VIPR1: variants seen among roughly 807,000 people sequenced by gnomAD.
VIPR1 encodes the protein vasoactive intestinal polypeptide receptor 1.
Under a neutral mutation model 58.8 loss-of-function variants are expected in VIPR1, and 59 were observed. The ratio of observed to expected loss-of-function variants is 1.00; its 90% CI spans 0.81 to 1.25. The LOEUF is 1.25. Among genes scored for constraint, VIPR1 ranks in the 50% most tolerant of loss-of-function variants. The pLI is 0.00. For missense variants in VIPR1, 626 were observed against 602.7 expected (o/e 1.04, Z -0.40); for synonymous variants, 251 against 242.1 (o/e 1.04, Z -0.34).
At chr3:42,505,293 A>G (rs1363079709) in intron 1 of VIPR1, among the ~76,000 whole-genome samples, 1 of 152,242 alleles carries the variant, frequency 6.6e-6, no homozygotes, top group Admixed American at 6.5e-5. Flanking sequence ...ACCCTAAACC[A>G]TAAAACAGCC....
At chr3:42,531,120 GT>G in intron 7 of VIPR1, 188 bp downstream of exon 7, 2 of 758,664 alleles carry the variant, frequency 2.6e-6, no homozygotes, top group Non-Finnish European at 4.2e-6. Flanking sequence ...AGTCCCTCAG[GT>G]TGCAGCTGCA....
chr3:42,531,257 T>G, intron 7 of VIPR1: 1 of 621,384 alleles, frequency 1.6e-6, no homozygotes, highest in Non-Finnish European at 2.8e-6. Context: ...AATGTCCGTC[T>G]AGGTAGACAC....
chr3:42,504,758 C>T (rs189591098), intron 1 of VIPR1, among the ~76,000 whole-genome samples: 72 of 3,396 alleles, frequency 0.021, 1 homozygote, highest in African/African-American at 0.045. Flanking sequence ...GGTGTGACGG[C>T]GGGGTGGGGG....
rs1242380344 is a variant in VIPR1 at position 42,537,093 on chromosome 3, C to T, written c.*812C>T. On this transcript the variant is annotated 3_prime_UTR_variant, in exon 13 of 13. Coordinates refer to ENST00000325123, the MANE Select transcript of VIPR1 (RefSeq NM_004624.4). ...GATCTGTCACACCAGCCATACTTAT[C>T]TCTCTGTGCTGTGGAAGCAACAGGA... 3 of 152,272 alleles carry T rather than the reference C, an allele frequency of 2.0e-5. No homozygotes were observed. The highest frequency in any genetic ancestry group is 2.1e-4 in the South Asian group (1 of 4,828). The allele number at this position is 152,272 out of a possible 1,614,324, so 9.4% of individuals were successfully genotyped here. A position where few individuals can be genotyped will look rare whatever the true frequency, so the allele number is the denominator to read the frequency against.
chr3:42,532,256 G>C lies in VIPR1; in HGVS notation c.933G>C (p.Leu311=). 6.2e-7 allele frequency: 1 copy of C among 1,614,160 alleles called. No homozygotes were observed. ...ILTSILVNFI[L]FICIIRILLQ... is the part of the protein sequence containing the mutation. ...CCACCCACTAGGTAAACTTCATCCT[G>C]TTTATTTGCATCATCCGAATCCTGC... Residue 311 remains leucine, a synonymous_variant, in exon 10 of 13, where the codon CTG becomes CTC. Transcript: ENST00000325123.
At chr3:42,490,422 T>A (rs1699645136) in intron 1 of VIPR1, among the ~76,000 whole-genome samples, 1 of 152,172 alleles carries the variant, frequency 6.6e-6, no homozygotes, top group South Asian at 2.1e-4. Flanking sequence ...GACTCAGGCC[T>A]GGGCAGGATC....
intron 3 of VIPR1, among the ~76,000 whole-genome samples, chr3:42,525,134 C>G (rs1701160227): frequency 6.6e-6 from 1 of 152,072 alleles, no homozygotes; most frequent in Admixed American, 6.5e-5. Flanking sequence ...TCCTCTCCCT[C>G]TCTGGGGAGA....
rs892580352 is a variant in VIPR1, at chr3:42,513,788, G to A, written c.118G>A (p.Val40Met). Residue 40 changes from valine (V) to methionine (M), a missense_variant, in exon 2 of 13, where the codon GTG becomes ATG. Transcript: ENST00000325123. ...AARLQEECDY[V>M]QMIEVQHKQC... The stretch of plus-strand genomic sequence containing the variant: ...CAGGCTGCAGGAGGAGTGTGACTAT[G>A]TGCAGATGATCGAGGTGCAGCACAA... 11 of 1,551,538 alleles carry A rather than the reference G, an allele frequency of 7.1e-6. No individual in the cohort carries two copies. The Admixed American group carries it at 2.0e-4, about 28-fold the overall frequency.
upstream of VIPR1, among the ~76,000 whole-genome samples, chr3:42,500,681 C>G (rs750639490): frequency 6.6e-6 from 1 of 152,108 alleles, no homozygotes; most frequent in Non-Finnish European, 1.5e-5. Context: ...AGACCCGAGA[C>G]GGGGTACACA....
intron 1 of VIPR1, chr3:42,507,052 C>T: frequency 6.6e-6 from 1 of 152,136 alleles, no homozygotes; most frequent in Non-Finnish European, 1.5e-5. Context: ...AAATTATAAA[C>T]CTCCTGACCT....
intron 1 of VIPR1, chr3:42,507,044 A>T (rs1444825939): frequency 6.6e-6 from 1 of 152,214 alleles, no homozygotes; most frequent in African/African-American, 2.4e-5. Context: ...TTTAAAGTAA[A>T]TTATAAACCT....
At position 42,522,869 on chromosome 3, in the gene VIPR1, G is replaced by A. The variant is rs567407370; in HGVS notation, c.293-3018G>A. Reference sequence around the variant, plus strand: ...GAGGATCCTAGCTAGGCACAAGCGGGGGCCATGACTGCTTTTTGAGACATA... The same window carrying A: ...GAGGATCCTAGCTAGGCACAAGCGGAGGCCATGACTGCTTTTTGAGACATA... On this transcript the variant is annotated intron_variant, in intron 3 of 12. Coordinates refer to ENST00000325123, the MANE Select transcript of VIPR1 (RefSeq NM_004624.4). 2.0e-5 allele frequency among the ~76,000 whole-genome samples: 3 copies of A among 152,280 alleles called. No individual in the cohort carries two copies. In the East Asian group the frequency reaches 5.8e-4, roughly 29 times the overall value.
At chr3:42,501,587 G>T (rs1054668355), upstream of VIPR1, among the ~76,000 whole-genome samples, 5 of 152,370 alleles carry the variant, frequency 3.3e-5, no homozygotes, top group Non-Finnish European at 5.9e-5. The surrounding 1 kb of genome is among the most constrained non-coding windows in gnomAD (Gnocchi z 4.8). Context: ...CCAGGGCGCA[G>T]AGCTGGTGAC....
At chr3:42,534,917 T>C in intron 10 of VIPR1, 58 bp from the exon 11 acceptor site, 2 of 1,594,594 alleles carry the variant, frequency 1.3e-6, no homozygotes, top group South Asian at 2.3e-5. Flanking sequence ...TGCCACACCC[T>C]ATCATATCCA....
chr3:42,528,088 G>C lies in VIPR1; in HGVS notation c.601G>C (p.Asp201His). 6.2e-7 allele frequency: 1 copy of C among 1,613,942 alleles called. No homozygotes were observed. The highest frequency in any genetic ancestry group is 8.5e-7 in the Non-Finnish European group (1 of 1,179,940). The change falls in exon 6 of 13, where the codon GAC (aspartate) becomes CAC (histidine). Residue 201 changes from aspartate (D) to histidine (H), a missense_variant. Physicochemically the swap from Asp to His is moderately conservative, Grantham distance 81. Coordinates refer to ENST00000325123, the MANE Select transcript of VIPR1 (RefSeq NM_004624.4). ...AVFIKDLALFDSGESDQCSEG... is the reference protein window; with the variant it reads ...AVFIKDLALFHSGESDQCSEG... The stretch of plus-strand genomic sequence containing the variant: ...CTTCATCAAAGACTTGGCCCTCTTC[G>C]ACAGCGGGGAGTCGGACCAGTGCTC...
At chr3:42,523,874 G>A (rs573525759) in intron 3 of VIPR1, among the ~76,000 whole-genome samples, 1 of 152,084 alleles carries the variant, frequency 6.6e-6, no homozygotes, top group Non-Finnish European at 1.5e-5. Context: ...TGGGAGTGCA[G>A]TGGTGTGATC....
At chr3:42,513,038 A>G (rs1226284134) in intron 1 of VIPR1, 1 of 898,720 alleles carries the variant, frequency 1.1e-6, no homozygotes, top group Non-Finnish European at 1.3e-6. Flanking sequence ...GGACTTTTCC[A>G]TCCCTTCTCT....
rs951008273 is a variant in VIPR1 at position 42,513,711 on chromosome 3, G to A, written c.79-38G>A. The A allele has an allele frequency of 2.6e-5, 41 of 1,548,184 alleles. No homozygotes were observed. In the Admixed American group the frequency reaches 7.8e-4, roughly 30 times the overall value. On this transcript the variant is annotated intron_variant, in intron 1 of 12. Coordinates refer to ENST00000325123, the MANE Select transcript of VIPR1 (RefSeq NM_004624.4). ...CTGGGCCTGGTGCTCCTGAGTCTAT[G>A]GACGAGGCTGATGGGCCCTCCCTGT...
intron 1 of VIPR1, chr3:42,512,920 C>G: frequency 1.0e-6 from 1 of 985,538 alleles, no homozygotes; most frequent in Non-Finnish European, 1.2e-6. Flanking sequence ...CCTAGACAGC[C>G]ATCACCCCCA....
Sources: allele counts gnomAD v4.1 joint callset (sites outside exome capture counted in the v4.1 genomes callset), GRCh38; gene constraint gnomAD v4.1.1; non-coding constraint Gnocchi (gnomAD v3.1); transcripts MANE v1.5; gene names NCBI Gene and HGNC (gene_info 2026-07-23, HGNC 2026-07-21).